The following CABCOCO1 variants were observed in gnomAD, a reference collection of about 807,000 sequenced individuals.
CABCOCO1 encodes ciliary-associated calcium-binding coiled-coil protein 1.
Under a neutral mutation model 35.7 loss-of-function variants are expected in CABCOCO1, and 28 were observed. The ratio of observed to expected loss-of-function variants is 0.78; its 90% CI spans 0.58 to 1.07. The LOEUF (loss-of-function observed/expected upper bound fraction) is 1.07. CABCOCO1 is among the 50% of genes least tolerant of loss of function. The pLI is 0.00. For missense variants in CABCOCO1, 326 were observed against 309.2 expected (o/e 1.05, Z -0.41); for synonymous variants, 95 against 100.1 (o/e 0.95, Z 0.30).
intron 5 of CABCOCO1, among the ~76,000 whole-genome samples, chr10:61,726,260 G>A (rs1841146586): frequency 6.6e-6 from 1 of 152,050 alleles, no homozygotes; most frequent in African/African-American, 2.4e-5. Context: ...ATAAGAAATC[G>A]ATTAAGTACA....
intron 5 of CABCOCO1, among the ~76,000 whole-genome samples, chr10:61,693,429 C>G (rs1054988913): frequency 6.6e-6 from 1 of 152,026 alleles, no homozygotes; most frequent in African/African-American, 2.4e-5. Context: ...CTTAGGCAAG[C>G]ATTCAAGTTA....
intron 4 of CABCOCO1, among the ~76,000 whole-genome samples, chr10:61,686,698 C>A (rs1482334442): frequency 2.6e-5 from 4 of 152,120 alleles, no homozygotes; most frequent in African/African-American, 9.7e-5. Context: ...TTTATTACAT[C>A]CCCTGAAATA....
intron 5 of CABCOCO1, among the ~76,000 whole-genome samples, chr10:61,742,309 T>C (rs1841567050): frequency 6.6e-6 from 1 of 152,184 alleles, no homozygotes; most frequent in African/African-American, 2.4e-5. Context: ...GCCACCCACA[T>C]TAGACTATAA....
intron 2 of CABCOCO1, among the ~76,000 whole-genome samples, chr10:61,674,973 G>A (rs941255631): frequency 1.3e-5 from 2 of 152,032 alleles, no homozygotes; most frequent in Admixed American, 6.6e-5. Context: ...TTCGGTAACT[G>A]GGCCTCCATG....
intron 5 of CABCOCO1, among the ~76,000 whole-genome samples, chr10:61,718,731 C>T (rs1244333978): frequency 2.6e-5 from 4 of 152,076 alleles, no homozygotes; most frequent in African/African-American, 7.2e-5. Flanking sequence ...AAAATATTTA[C>T]CAATTCATTA....
chr10:61,720,739 A>G (rs2132040548), intron 5 of CABCOCO1, among the ~76,000 whole-genome samples: 1 of 152,172 alleles, frequency 6.6e-6, no homozygotes, highest in Middle Eastern at 3.4e-3. Flanking sequence ...CACAGTATCT[A>G]TCAGGATTCT....
At chr10:61,667,054 ATT>A (rs1839204534) in intron 1 of CABCOCO1, among the ~76,000 whole-genome samples, 1 of 142,436 alleles carries the variant, frequency 7.0e-6, no homozygotes, top group Non-Finnish European at 1.5e-5. Flanking sequence ...AATTTCATAT[ATT>A]ATATATAAAT....
chr10:61,734,098 G>T (rs540736137), intron 5 of CABCOCO1, among the ~76,000 whole-genome samples: 2 of 151,734 alleles, frequency 1.3e-5, no homozygotes, highest in South Asian at 4.2e-4. Flanking sequence ...ATAAATTAAT[G>T]CTACTTATTA....
At chr10:61,723,238 T>C (rs1016330037) in intron 5 of CABCOCO1, among the ~76,000 whole-genome samples, 3 of 152,350 alleles carry the variant, frequency 2.0e-5, no homozygotes, top group African/African-American at 7.2e-5. Flanking sequence ...ACAATTTTGA[T>C]ATCTTCTTGA....
chr10:61,676,537 G>A (rs1400646460), intron 2 of CABCOCO1, among the ~76,000 whole-genome samples: 1 of 152,136 alleles, frequency 6.6e-6, no homozygotes, highest in Non-Finnish European at 1.5e-5. Flanking sequence ...AAAATTGAAA[G>A]TGAGTGATTG....
chr10:61,671,269 T>A (rs1839351256), intron 1 of CABCOCO1, among the ~76,000 whole-genome samples: 1 of 150,720 alleles, frequency 6.6e-6, no homozygotes, highest in Non-Finnish European at 1.5e-5. Context: ...GAGCTTGCAG[T>A]GAGCCGAGAT....
intron 2 of CABCOCO1, among the ~76,000 whole-genome samples, chr10:61,674,201 A>T (rs942344382): frequency 2.6e-5 from 4 of 152,182 alleles, no homozygotes; most frequent in Admixed American, 2.6e-4. Flanking sequence ...ATGATTTTTT[A>T]AAATTATTGG....
intron 5 of CABCOCO1, among the ~76,000 whole-genome samples, chr10:61,714,239 G>A (rs984564457): frequency 3.9e-5 from 6 of 152,122 alleles, no homozygotes; most frequent in Non-Finnish European, 7.4e-5. Flanking sequence ...TTAGTCTTGG[G>A]AGGGTCTATG....
intron 5 of CABCOCO1, among the ~76,000 whole-genome samples, chr10:61,746,045 TG>T (rs1841652643): frequency 6.6e-6 from 1 of 152,210 alleles, no homozygotes; most frequent in African/African-American, 2.4e-5. Context: ...CAACATATAT[TG>T]GCTGAGTTAC....
chr10:61,686,642 G>A (rs1839975157), intron 4 of CABCOCO1, among the ~76,000 whole-genome samples: 1 of 152,114 alleles, frequency 6.6e-6, no homozygotes, highest in African/African-American at 2.4e-5. Context: ...TGTTTTGAAT[G>A]CTTCGTATTA....
At chr10:61,677,826 T>TC (rs1251450796) in intron 2 of CABCOCO1, among the ~76,000 whole-genome samples, 6 of 145,278 alleles carry the variant, frequency 4.1e-5, no homozygotes, top group Non-Finnish European at 9.0e-5. Flanking sequence ...TTTTTTTTTT[T>TC]TTTTTTTTTT....
intron 2 of CABCOCO1, among the ~76,000 whole-genome samples, chr10:61,680,684 CATGTATAACATATAT>C: frequency 1.4e-5 from 1 of 72,956 alleles, no homozygotes; most frequent in Non-Finnish European, 2.5e-5. Context: ...ATATGTTATA[CATGTATAACATATAT>C]ATGTTATACA....
At chr10:61,763,975 G>A (rs1842059049) in intron 7 of CABCOCO1, among the ~76,000 whole-genome samples, 1 of 151,998 alleles carries the variant, frequency 6.6e-6, no homozygotes, top group African/African-American at 2.4e-5. Flanking sequence ...AAGGTCTGGA[G>A]ATCTGAGACA....
chr10:61,687,475 T>A (rs995533812), intron 4 of CABCOCO1, among the ~76,000 whole-genome samples: 1 of 152,186 alleles, frequency 6.6e-6, no homozygotes, highest in African/African-American at 2.4e-5. Flanking sequence ...GCAGAACACA[T>A]TTTTACAACT....
Sources: allele counts gnomAD v4.1 joint callset (sites outside exome capture counted in the v4.1 genomes callset), GRCh38; gene constraint gnomAD v4.1.1; transcripts MANE v1.5; gene names NCBI Gene and HGNC (gene_info 2026-07-23, HGNC 2026-07-21).